Variants in MRPL1 observed in about 807,000 individuals in gnomAD.
MRPL1 encodes the protein mitochondrial ribosomal protein L1, also known as large ribosomal subunit protein uL1m.
Under a neutral mutation model 38.0 loss-of-function variants are expected in MRPL1, and 28 were observed. The ratio of observed to expected loss-of-function variants is 0.74; its 90% CI spans 0.55 to 1.01. The LOEUF (loss-of-function observed/expected upper bound fraction) is 1.01, where lower values mean the gene tolerates loss of function less well. MRPL1 is among the 50% of genes least tolerant of loss of function. MRPL1 has a pLI of 0.00. For missense variants in MRPL1, 358 were observed against 389.8 expected, an observed-to-expected ratio of 0.92 and a Z score of 0.69; for synonymous variants, 123 against 126.7, an observed-to-expected ratio of 0.97 and a Z score of 0.20.
intron 7 of MRPL1, among the ~76,000 whole-genome samples, chr4:77,941,085 G>A (rs1344678244): frequency 2.6e-5 from 4 of 152,116 alleles, no homozygotes; most frequent in South Asian, 4.1e-4. Flanking sequence ...GGCCACCATA[G>A]TGAAACCACA....
At chr4:77,908,147 A>G (rs992288251) in intron 6 of MRPL1, among the ~76,000 whole-genome samples, 2 of 149,796 alleles carry the variant, frequency 1.3e-5, no homozygotes, top group African/African-American at 4.9e-5. Flanking sequence ...TATTGTTTCC[A>G]CTGCTAAATG....
intron 1 of MRPL1, among the ~76,000 whole-genome samples, chr4:77,866,557 C>G (rs1023689110): frequency 3.3e-5 from 5 of 152,098 alleles, no homozygotes; most frequent in Non-Finnish European, 5.9e-5. Flanking sequence ...CCGCCTCACC[C>G]AGCTGACCTC....
chr4:77,878,218 T>C (rs1735447845), intron 2 of MRPL1, among the ~76,000 whole-genome samples: 1 of 152,198 alleles, frequency 6.6e-6, no homozygotes, highest in South Asian at 2.1e-4. Flanking sequence ...AAAGTTGTGA[T>C]TTTTATCGAG....
intron 7 of MRPL1, among the ~76,000 whole-genome samples, chr4:77,928,139 G>A (rs1045763157): frequency 3.3e-5 from 5 of 152,302 alleles, no homozygotes; most frequent in African/African-American, 2.4e-5. Context: ...CCTGGCAGCT[G>A]ATAAAAGCTG....
intron 7 of MRPL1, among the ~76,000 whole-genome samples, chr4:77,940,902 T>C (rs947910258): frequency 1.1e-4 from 17 of 152,212 alleles, no homozygotes; most frequent in African/African-American, 4.1e-4. Flanking sequence ...CCCCAGGTCA[T>C]AGTGGATTAT....
At chr4:77,921,245 CCTAA>C in intron 7 of MRPL1, among the ~76,000 whole-genome samples, 1 of 152,246 alleles carries the variant, frequency 6.6e-6, no homozygotes, top group South Asian at 2.1e-4. Context: ...AAAAACTGTT[CCTAA>C]CTATGGGGAT....
chr4:77,873,063 G>A (rs1735320537), intron 2 of MRPL1, among the ~76,000 whole-genome samples: 1 of 152,098 alleles, frequency 6.6e-6, no homozygotes, highest in African/African-American at 2.4e-5. Flanking sequence ...ATATGTAAAG[G>A]AATGAAATCT....
chr4:77,916,306 A>C (rs1736423351), intron 7 of MRPL1, among the ~76,000 whole-genome samples: 1 of 152,138 alleles, frequency 6.6e-6, no homozygotes, highest in Non-Finnish European at 1.5e-5. Context: ...GGTTAAATTC[A>C]AATAATTCAC....
chr4:77,875,949 T>G (rs1476080450), intron 2 of MRPL1, among the ~76,000 whole-genome samples: 27 of 152,110 alleles, frequency 1.8e-4, no homozygotes, highest in Non-Finnish European at 1.5e-5. Flanking sequence ...ACCATCAATC[T>G]TCATTTGTGT....
chr4:77,879,100 A>G (rs1331655133), intron 2 of MRPL1, among the ~76,000 whole-genome samples: 1 of 152,128 alleles, frequency 6.6e-6, no homozygotes, highest in Non-Finnish European at 1.5e-5. Context: ...TCTTTCTAGT[A>G]TGATTTATTG....
intron 6 of MRPL1, among the ~76,000 whole-genome samples, chr4:77,898,285 G>A (rs903324429): frequency 4.6e-5 from 7 of 151,968 alleles, no homozygotes; most frequent in Non-Finnish European, 7.4e-5. Context: ...TGTGTGATGT[G>A]TGTTCAGTGC....
At chr4:77,894,299 A>C (rs1397230998) in intron 6 of MRPL1, 49 bp downstream of exon 6, 3 of 1,183,300 alleles carry the variant, frequency 2.5e-6, no homozygotes, top group Non-Finnish European at 3.7e-6. Flanking sequence ...CTTTCTTGTG[A>C]ACTTTGCTTA....
intron 1 of MRPL1, among the ~76,000 whole-genome samples, chr4:77,868,020 T>C (rs1358462968): frequency 6.6e-6 from 1 of 151,880 alleles, no homozygotes; most frequent in African/African-American, 2.4e-5. Flanking sequence ...CCCCCCAAAG[T>C]GCTGGGATTA....
At chr4:77,888,622 G>A (rs1735737362) in intron 5 of MRPL1, among the ~76,000 whole-genome samples, 1 of 152,032 alleles carries the variant, frequency 6.6e-6, no homozygotes, top group African/African-American at 2.4e-5. Flanking sequence ...GGAAGAAGAG[G>A]CATGGAGTTA....
chr4:77,949,407 A>G (rs1170852968), intron 7 of MRPL1, among the ~76,000 whole-genome samples: 1 of 152,206 alleles, frequency 6.6e-6, no homozygotes, highest in African/African-American at 2.4e-5. Context: ...GACTCAAGAA[A>G]ACATTAATTT....
At chr4:77,945,169 T>C (rs866669018) in intron 7 of MRPL1, among the ~76,000 whole-genome samples, 282 of 97,158 alleles carry the variant, frequency 2.9e-3, no homozygotes, top group African/African-American at 7.3e-3. Context: ...ATTATTATTA[T>C]TACTACTACT....
chr4:77,937,425 C>A lies in MRPL1; in HGVS notation c.778-12372C>A, dbSNP rs547531581. ...TACTCAGTTCTAAGTACCTGGCCCCCAGTGCCTTTTCCAGGCCTAACTGCT... is the reference window on the plus strand; with the variant it reads ...TACTCAGTTCTAAGTACCTGGCCCCAAGTGCCTTTTCCAGGCCTAACTGCT... On this transcript the variant is annotated intron_variant, in intron 7 of 8. Coordinates refer to ENST00000315567, the MANE Select transcript of MRPL1 (RefSeq NM_020236.4). 6.6e-4 allele frequency among the ~76,000 whole-genome samples: 101 copies of A among 152,332 alleles called. 1 individual carries two copies. In the South Asian group the frequency reaches 0.021, roughly 31 times the overall value.
At chr4:77,898,989 ATTT>A (rs745761741) in intron 6 of MRPL1, among the ~76,000 whole-genome samples, 3 of 95,072 alleles carry the variant, frequency 3.2e-5, no homozygotes, top group African/African-American at 4.3e-5. Flanking sequence ...TTATGCACAG[ATTT>A]TTTTTTTTTT....
At chr4:77,919,001 A>C (rs1395304837) in intron 7 of MRPL1, among the ~76,000 whole-genome samples, 6 of 152,208 alleles carry the variant, frequency 3.9e-5, no homozygotes, top group Non-Finnish European at 8.8e-5. Flanking sequence ...ATATCGCTGG[A>C]ATTGTTGGAA....
Sources: gnomAD v4.1 joint callset for allele counts (sites outside exome capture counted in the v4.1 genomes callset) on GRCh38, gnomAD v4.1.1 for gene constraint, MANE v1.5 for transcripts, NCBI Gene and HGNC (gene_info 2026-07-23, HGNC 2026-07-21) for gene names.